The following PTGFRN variants were observed in gnomAD, a reference collection of about 807,000 sequenced individuals.
PTGFRN encodes the protein prostaglandin F2 receptor negative regulator.
PTGFRN carries 35 observed loss-of-function variants against 83.2 expected under a neutral mutation model. The observed-to-expected ratio is 0.42, with a 90% CI of 0.32 to 0.56. The LOEUF is 0.56. Ranked by LOEUF, PTGFRN falls within the 20% of genes least tolerant of loss-of-function variation. The pLI is 0.11. For synonymous variants in PTGFRN, 519 were observed against 498.6 expected (o/e 1.04, Z -0.55); for missense variants, 1,051 against 1,179.5 (o/e 0.89, Z 1.60).
intron 5 of PTGFRN, among the ~76,000 whole-genome samples, chr1:116,965,058 TG>T (rs1201413679): frequency 2.6e-5 from 4 of 152,172 alleles, no homozygotes; most frequent in African/African-American, 4.8e-5. Context: ...TGGTCTTAGA[TG>T]TTCTGTACCA....
Position 116,987,131 on chromosome 1 carries a change from G to C in PTGFRN, c.*164G>C. 2.7e-6 allele frequency: 2 copies of C among 749,384 alleles called. No individual in the cohort carries two copies. Among genetic ancestry groups the C allele is most frequent in the Non-Finnish European group, 2.1e-6 (1 of 474,652 alleles). The allele number at this position is 749,384 out of a possible 1,614,324, so 46.4% of individuals were successfully genotyped here. On this transcript the variant is annotated 3_prime_UTR_variant, in exon 9 of 9. Transcript: ENST00000393203. ...TTTCTGCATGTCAAGTTCTGAGCGC[G>C]GACATGTTTACCAGCACACGGCTCT...
intron 1 of PTGFRN, among the ~76,000 whole-genome samples, chr1:116,913,186 G>A (rs1649316656): frequency 6.6e-6 from 1 of 152,222 alleles, no homozygotes; most frequent in African/African-American, 2.4e-5. Context: ...TGGAAACCAA[G>A]TGTGGGAAAC....
At chr1:116,942,626 G>C (rs1650091482) in intron 2 of PTGFRN, among the ~76,000 whole-genome samples, 1 of 152,202 alleles carries the variant, frequency 6.6e-6, no homozygotes, top group South Asian at 2.1e-4. Context: ...GCACTTCAAA[G>C]TTCATGTCTT....
chr1:116,925,763 T>C (rs1381137279), intron 1 of PTGFRN, among the ~76,000 whole-genome samples: 1 of 152,210 alleles, frequency 6.6e-6, no homozygotes, highest in African/African-American at 2.4e-5. Context: ...GTCAACATAC[T>C]GTTTCATCTT....
chr1:116,984,135 C>A lies in PTGFRN; in HGVS notation c.2168-545C>A, dbSNP rs148818998. The stretch of plus-strand genomic sequence containing the variant: ...AGCACTTCTGCAAGGAAAGAAAAAC[C>A]ATAGTGTACAATAAAATCTAAACTG... On this transcript the variant is annotated intron_variant, in intron 7 of 8. Coordinates refer to ENST00000393203, the MANE Select transcript of PTGFRN (RefSeq NM_020440.4). Among the ~76,000 whole-genome samples, 488 of 152,286 alleles carry A rather than the reference C, an allele frequency of 3.2e-3. 2 individuals are homozygous for A. Among genetic ancestry groups the A allele is most frequent in the Middle Eastern group, 0.02 (6 of 294 alleles).
At chr1:116,926,679 T>C (rs1649667970) in intron 1 of PTGFRN, among the ~76,000 whole-genome samples, 1 of 152,222 alleles carries the variant, frequency 6.6e-6, no homozygotes, top group African/African-American at 2.4e-5. Context: ...AAAGCAATGC[T>C]ATGCATGTAA....
chr1:116,977,796 A>C (rs1242428269), intron 7 of PTGFRN, among the ~76,000 whole-genome samples: 3 of 152,242 alleles, frequency 2.0e-5, no homozygotes, highest in Non-Finnish European at 4.4e-5. Flanking sequence ...ACACCCTAAC[A>C]TCACAATTAA....
chr1:116,978,074 A>T (rs554236722), intron 7 of PTGFRN, among the ~76,000 whole-genome samples: 42 of 152,360 alleles, frequency 2.8e-4, no homozygotes, highest in Admixed American at 7.8e-4. Context: ...ACAAACTACC[A>T]TCAGAGAATA....
In PTGFRN at chr1:116,918,705, A is replaced by G. The variant is rs371902465; in HGVS notation, c.49+8453A>G. 5.3e-5 allele frequency among the ~76,000 whole-genome samples: 8 copies of G among 152,322 alleles called. No homozygotes were observed. Among genetic ancestry groups the G allele is most frequent in the African/African-American group, 1.7e-4 (7 of 41,574 alleles). ...GGAATGTGACAGTCATTCAGTTAGC[A>G]GTGAAGGATGGAGGATAGCATAGGT... is the stretch of plus-strand genomic sequence containing the variant. On this transcript the variant is annotated intron_variant, in intron 1 of 8. Coordinates refer to ENST00000393203, the MANE Select transcript of PTGFRN (RefSeq NM_020440.4). The surrounding 1 kb of genome is among the most constrained non-coding windows in gnomAD (Gnocchi z 4.1).
Position 116,910,239 on chromosome 1 carries a change from G to A in PTGFRN, c.36G>A (p.Ala12=). 1 of 1,455,138 alleles carries A rather than the reference G, an allele frequency of 6.9e-7. No individual in the cohort carries two copies. Among genetic ancestry groups the A allele is most frequent in the Non-Finnish European group, 9.0e-7 (1 of 1,110,208 alleles). The allele number at this position is 1,455,138 out of a possible 1,614,324, so 90.1% of individuals were successfully genotyped here. ...TGGCCTCGAGGCCGCTGCTGCTGGC[G>A]CTCCTGTCGTTGGGTGAGTGTGCGC... ...GRLASRPLLL[A]LLSLALCRGR... is the part of the protein sequence containing the mutation. Residue 12 remains alanine, a synonymous_variant, in exon 1 of 9, where the codon GCG becomes GCA. Coordinates refer to ENST00000393203, the MANE Select transcript of PTGFRN (RefSeq NM_020440.4).
rs770572115 is a variant in PTGFRN at position 116,985,002 on chromosome 1, A to G, written c.2473+17A>G. 1.2e-6 allele frequency: 2 copies of G among 1,603,610 alleles called. No homozygotes were observed. Among genetic ancestry groups the G allele is most frequent in the South Asian group, 2.2e-5 (2 of 90,174 alleles). ...AGATGGATGGTAAGAATGTCACCCA[A>G]ATTTCTCAGTGTTTGGGAATGTCTT... On this transcript the variant is annotated intron_variant, in intron 8 of 8. Coordinates refer to ENST00000393203, the MANE Select transcript of PTGFRN (RefSeq NM_020440.4).
rs1460930775 is a variant in PTGFRN at position 116,958,606 on chromosome 1, G to A, written c.1214-2637G>A. Among the ~76,000 whole-genome samples the A allele has an allele frequency of 6.6e-6, 1 of 152,102 alleles. No homozygotes were observed. The highest frequency in any genetic ancestry group is 1.5e-5 in the Non-Finnish European group (1 of 68,006). On this transcript the variant is annotated intron_variant, in intron 4 of 8. Coordinates refer to ENST00000393203, the MANE Select transcript of PTGFRN (RefSeq NM_020440.4). This position sits in a 1 kb window ranked among gnomAD's most constrained non-coding sequence, Gnocchi z 4.9. ...TGTACCTGCATACACACACACACCAGGCACCAGTCTAGGCATTTTAAGTAC... is the reference window on the plus strand; with the variant it reads ...TGTACCTGCATACACACACACACCAAGCACCAGTCTAGGCATTTTAAGTAC...
At chr1:116,946,341 T>C (rs1650202574) in intron 3 of PTGFRN, among the ~76,000 whole-genome samples, 1 of 152,168 alleles carries the variant, frequency 6.6e-6, no homozygotes, top group Non-Finnish European at 1.5e-5. Context: ...ACTATGGCCA[T>C]TGAGGAGAGG....
chr1:116,943,341 C>T (rs946663785), intron 2 of PTGFRN, among the ~76,000 whole-genome samples: 1 of 152,234 alleles, frequency 6.6e-6, no homozygotes, highest in Non-Finnish European at 1.5e-5. Flanking sequence ...GCCACTTTTT[C>T]ATTAAGCCAG....
intron 2 of PTGFRN, 80 bp downstream of exon 2, chr1:116,942,163 A>G: frequency 3.3e-6 from 5 of 1,498,396 alleles, no homozygotes. Context: ...TTGTCAAGAG[A>G]CTTAATTTCT....
chr1:116,931,215 G>T (rs1003633965), intron 1 of PTGFRN, among the ~76,000 whole-genome samples: 4 of 152,158 alleles, frequency 2.6e-5, no homozygotes, highest in Admixed American at 2.0e-4. Context: ...TCCTTAACTG[G>T]TAGGAATGCA....
chr1:116,938,055 T>A (rs1318237017), intron 1 of PTGFRN, among the ~76,000 whole-genome samples: 1 of 152,178 alleles, frequency 6.6e-6, no homozygotes, highest in Non-Finnish European at 1.5e-5. Context: ...AGATTCAGAA[T>A]TGTCTGGTTG....
intron 7 of PTGFRN, among the ~76,000 whole-genome samples, chr1:116,975,466 G>A (rs1651118278): frequency 6.6e-6 from 1 of 152,186 alleles, no homozygotes; most frequent in Non-Finnish European, 1.5e-5. Context: ...TAACTGGGAG[G>A]AACCCCCCAG....
intron 4 of PTGFRN, among the ~76,000 whole-genome samples, chr1:116,950,059 C>G (rs1013042642): frequency 6.6e-6 from 1 of 152,082 alleles, no homozygotes; most frequent in African/African-American, 2.4e-5. Flanking sequence ...ATACCACTTA[C>G]AACTAAAGGG....
Sources: allele counts gnomAD v4.1 joint callset (sites outside exome capture counted in the v4.1 genomes callset), GRCh38; gene constraint gnomAD v4.1.1; non-coding constraint Gnocchi (gnomAD v3.1); transcripts MANE v1.5; gene names NCBI Gene and HGNC (gene_info 2026-07-23, HGNC 2026-07-21).